The following C1orf87 variants were observed in gnomAD, a reference collection of about 807,000 sequenced individuals.
The protein encoded by C1orf87 is chromosome 1 open reading frame 87, also known as uncharacterized protein C1orf87.
In C1orf87, 58 loss-of-function variants were observed where a neutral mutation model predicts 60.5. The ratio of observed to expected loss-of-function variants is 0.96; its 90% CI spans 0.78 to 1.19. The LOEUF is 1.19. C1orf87 is among the 50% of genes most tolerant of loss of function. C1orf87 has a pLI of 0.00. For synonymous variants in C1orf87, 236 were observed against 227.4 expected, an observed-to-expected ratio of 1.04 and a Z score of -0.34; for missense variants, 673 against 638.6, an observed-to-expected ratio of 1.05 and a Z score of -0.58.
chr1:59,995,215 ATTTG>A (rs1007811772), intron 11 of C1orf87, among the ~76,000 whole-genome samples: 11 of 152,260 alleles, frequency 7.2e-5, no homozygotes, highest in Admixed American at 6.5e-4. Context: ...ACAAGTAAGC[ATTTG>A]TTTCTTTAGC....
chr1:60,044,619 G>A (rs988479070), intron 3 of C1orf87, among the ~76,000 whole-genome samples: 3 of 152,086 alleles, frequency 2.0e-5, no homozygotes, highest in Non-Finnish European at 4.4e-5. Flanking sequence ...TTGGTGCCTG[G>A]GTTCAGGCCA....
chr1:60,073,131 T>C (rs1381312098), intron 1 of C1orf87, among the ~76,000 whole-genome samples: 1 of 152,240 alleles, frequency 6.6e-6, no homozygotes, highest in African/African-American at 2.4e-5. Context: ...AGGTCTGTTC[T>C]CAGGGACTTG....
intron 11 of C1orf87, among the ~76,000 whole-genome samples, chr1:59,994,339 C>A (rs1266157659): frequency 6.6e-6 from 1 of 151,364 alleles, no homozygotes; most frequent in Non-Finnish European, 1.5e-5. Context: ...AGTGGGGATT[C>A]ATGGAGAGCT....
intron 9 of C1orf87, among the ~76,000 whole-genome samples, chr1:60,006,924 T>TTA (rs913130605): frequency 6.6e-6 from 1 of 151,990 alleles, no homozygotes; most frequent in African/African-American, 2.4e-5. Context: ...GCATACTTTT[T>TTA]TTTTTCTGAC....
chr1:59,997,847 A>G, intron 10 of C1orf87, 31 bp from the exon 11 acceptor site: 4 of 1,599,114 alleles, frequency 2.5e-6, no homozygotes, highest in Non-Finnish European at 3.4e-6. Flanking sequence ...TTGGCAACAC[A>G]TTCACCACCC....
chr1:60,035,182 G>A lies in C1orf87; in HGVS notation c.864-1541C>T, dbSNP rs187729289. Reference sequence around the variant, plus strand: ...TTTGCTTTACCAGCCTCTCTTTGCTGCAAGGGCACATGACCCAAACACTGT... The same window carrying A: ...TTTGCTTTACCAGCCTCTCTTTGCTACAAGGGCACATGACCCAAACACTGT... On this transcript the variant is annotated intron_variant, in intron 6 of 11. Transcript: ENST00000371201. 3.9e-5 allele frequency among the ~76,000 whole-genome samples: 6 copies of A among 152,256 alleles called. No homozygotes were observed. The East Asian group carries it at 1.2e-3, about 29-fold the overall frequency.
chr1:60,051,046 G>C (rs1480507931), intron 3 of C1orf87, among the ~76,000 whole-genome samples: 1 of 152,130 alleles, frequency 6.6e-6, no homozygotes, highest in Non-Finnish European at 1.5e-5. Flanking sequence ...AAATAAAGAT[G>C]GAGGGAAGAG....
chr1:60,017,989 C>T (rs189064099), intron 8 of C1orf87, among the ~76,000 whole-genome samples: 1 of 152,326 alleles, frequency 6.6e-6, no homozygotes, highest in African/African-American at 2.4e-5. Flanking sequence ...GCTAATCCCA[C>T]ATCACCATAA....
chr1:60,034,090 C>T (rs891295548), intron 6 of C1orf87, among the ~76,000 whole-genome samples: 5 of 152,202 alleles, frequency 3.3e-5, no homozygotes, highest in Admixed American at 6.5e-5. Context: ...GATCCCCATA[C>T]CAAGACAGCC....
At chr1:60,052,385 G>GATCCT (rs1645421017) in intron 3 of C1orf87, among the ~76,000 whole-genome samples, 1 of 152,160 alleles carries the variant, frequency 6.6e-6, no homozygotes, top group Non-Finnish European at 1.5e-5. Flanking sequence ...GAGGCAAAAA[G>GATCCT]ATCCTAGGAC....
At chr1:60,065,031 T>TATATATAA (rs1557482286) in intron 2 of C1orf87, among the ~76,000 whole-genome samples, 1 of 92,384 alleles carries the variant, frequency 1.1e-5, no homozygotes, top group Non-Finnish European at 2.3e-5. Context: ...ATATATTTAA[T>TATATATAA]ATATATATTT....
chr1:60,048,221 T>C (rs1645387321), intron 3 of C1orf87, among the ~76,000 whole-genome samples: 1 of 152,200 alleles, frequency 6.6e-6, no homozygotes, highest in Non-Finnish European at 1.5e-5. Flanking sequence ...AGCCATGTCA[T>C]GCACACCCCT....
At chr1:60,048,280 A>G (rs577565492) in intron 3 of C1orf87, among the ~76,000 whole-genome samples, 11 of 152,334 alleles carry the variant, frequency 7.2e-5, no homozygotes, top group Non-Finnish European at 1.5e-4. Context: ...CACAGCCAGG[A>G]GGCCTCTGTC....
rs1645444282 is a variant in C1orf87, at chr1:60,055,203, C to T, written c.342+1G>A. On this transcript the variant is annotated splice_donor_variant, in intron 3 of 11. Coordinates refer to ENST00000371201, the MANE Select transcript of C1orf87 (RefSeq NM_152377.3). LOFTEE classifies it high-confidence loss of function. ...AAACGTGGGTATTTTTTGTCACTCA[C>T]ATTGCCATCCAGGAATCTGCTACTG... is the stretch of plus-strand genomic sequence containing the variant. 2.5e-6 allele frequency: 4 copies of T among 1,608,632 alleles called. No homozygotes were observed. Among genetic ancestry groups the T allele is most frequent in the Non-Finnish European group, 3.4e-6 (4 of 1,175,270 alleles).
At chr1:59,991,066 A>C (rs1014752512) in intron 11 of C1orf87, among the ~76,000 whole-genome samples, 1 of 152,186 alleles carries the variant, frequency 6.6e-6, no homozygotes, top group Non-Finnish European at 1.5e-5. Flanking sequence ...ACAAGATGGG[A>C]TCCAATAAGA....
intron 2 of C1orf87, among the ~76,000 whole-genome samples, chr1:60,060,783 CA>C (rs902686788): frequency 1.3e-5 from 2 of 152,006 alleles, no homozygotes; most frequent in Admixed American, 6.6e-5. Flanking sequence ...ACAACCCAAA[CA>C]TTGTTGCATC....
At chr1:60,023,925 C>A (rs1645181248) in intron 8 of C1orf87, among the ~76,000 whole-genome samples, 1 of 152,154 alleles carries the variant, frequency 6.6e-6, no homozygotes, top group South Asian at 2.1e-4. Flanking sequence ...ACTGGGGTTA[C>A]ATGTTGCAGG....
intron 8 of C1orf87, among the ~76,000 whole-genome samples, chr1:60,014,870 C>T (rs1645114999): frequency 6.6e-6 from 1 of 152,186 alleles, no homozygotes; most frequent in Non-Finnish European, 1.5e-5. Context: ...ACAAATCCCA[C>T]CAAGCTCAGC....
chr1:60,032,432 G>GTTTTTTTT (rs11376932), intron 7 of C1orf87, among the ~76,000 whole-genome samples: 27 of 88,566 alleles, frequency 3.0e-4, no homozygotes, highest in African/African-American at 3.2e-4. Flanking sequence ...TGAGACTCAG[G>GTTTTTTTT]TTTTTTTTTT....
Sources: gnomAD v4.1 joint callset for allele counts (sites outside exome capture counted in the v4.1 genomes callset) on GRCh38, gnomAD v4.1.1 for gene constraint, MANE v1.5 for transcripts, NCBI Gene and HGNC (gene_info 2026-07-23, HGNC 2026-07-21) for gene names.